The following CROCC variants were observed in gnomAD, a reference collection of about 807,000 sequenced individuals.
The protein encoded by CROCC is rootletin.
CROCC carries 180 observed loss-of-function variants against 245.2 expected under a neutral mutation model. The observed-to-expected ratio is 0.73, with a 90% CI of 0.65 to 0.83. The LOEUF is 0.83. Ranked by LOEUF, CROCC falls within the 40% of genes least tolerant of loss-of-function variation. CROCC has a pLI of 0.00. For synonymous variants in CROCC, 1,205 were observed against 1,241.6 expected, an observed-to-expected ratio of 0.97 and a Z score of 0.62; for missense variants, 2,688 against 2,779.4, an observed-to-expected ratio of 0.97 and a Z score of 0.74.
At chr1:16,935,760 G>C (rs2075774193) in intron 8 of CROCC, among the ~76,000 whole-genome samples, 2 of 152,266 alleles carry the variant, frequency 1.3e-5, no homozygotes, top group African/African-American at 4.8e-5. Context: ...GTGTTCCACA[G>C]AATGGATGTA....
In CROCC at chr1:16,956,089, C is replaced by T; in HGVS notation, c.3797C>T (p.Thr1266Ile). Residue 1266 changes from threonine to isoleucine, a missense_variant, in exon 25 of 37, where the codon ACT becomes ATT. Coordinates refer to ENST00000375541, the MANE Select transcript of CROCC (RefSeq NM_014675.5). ...GGCAAGGAGGCCGGGGAGCTGCGAA[C>T]TGGGCTGCAGGAGGTGGAGCGCTCA... ...AVGKEAGELR[T>I]GLQEVERSRL... 6.4e-7 allele frequency: 1 copy of T among 1,551,018 alleles called. No individual in the cohort carries two copies. The highest frequency in any genetic ancestry group is 8.7e-7 in the Non-Finnish European group (1 of 1,146,966).
intron 1 of CROCC, among the ~76,000 whole-genome samples, chr1:16,915,996 C>G (rs1303090023): frequency 2.0e-5 from 3 of 152,210 alleles, no homozygotes; most frequent in African/African-American, 7.2e-5. Context: ...CTGGCCAATA[C>G]AGTGAAACCT....
chr1:16,955,524 G>C lies in CROCC; in HGVS notation c.3678G>C (p.Val1226=). ...RRSNEELRSA[V]KKAESERISL... is the part of the protein sequence containing the mutation. ...CCAATGAGGAGCTTCGGTCTGCTGT[G>C]AAGAAGGCAGAGAGCGAGCGCATCA... Residue 1226 remains valine (V), a synonymous_variant, in exon 24 of 37, where the codon GTG becomes GTC. Transcript: ENST00000375541. 1 of 1,561,956 alleles carries C rather than the reference G, an allele frequency of 6.4e-7. No individual in the cohort carries two copies.
chr1:16,949,961 G>T (rs61769578), intron 19 of CROCC, among the ~76,000 whole-genome samples: 5,796 of 151,782 alleles, frequency 0.038, 173 homozygotes, highest in South Asian at 0.086. Flanking sequence ...TAGAGACGGG[G>T]TTTCGCCATG....
Position 16,966,387 on chromosome 1 carries a change from C to G in CROCC, c.4697-21C>G, listed in dbSNP as rs776846848. ...CGGGGCTGTGCTTGGCCATGCCTGA[C>G]GGGGTGGGTGGTGGCTACAGCCCGG... On this transcript the variant is annotated intron_variant, in intron 29 of 36. Coordinates refer to ENST00000375541, the MANE Select transcript of CROCC (RefSeq NM_014675.5). This position sits in a 1 kb window ranked among gnomAD's most constrained non-coding sequence, Gnocchi z 4.8. The G allele has an allele frequency of 6.6e-7, 1 of 1,504,790 alleles. No homozygotes were observed. Among genetic ancestry groups the G allele is most frequent in the Non-Finnish European group, 8.9e-7 (1 of 1,127,730 alleles). The allele number at this position is 1,504,790 out of a possible 1,614,324, so 93.2% of individuals were successfully genotyped here. A position where few individuals can be genotyped will look rare whatever the true frequency, so the allele number is the denominator to read the frequency against.
At chr1:16,935,555 G>A (rs1231029285) in intron 8 of CROCC, among the ~76,000 whole-genome samples, 68 of 152,376 alleles carry the variant, frequency 4.5e-4, no homozygotes, top group Middle Eastern at 3.4e-3. Context: ...CGAGTAGCTG[G>A]GACTACAGGC....
intron 10 of CROCC, 39 bp from the exon 11 acceptor site, chr1:16,938,360 AG>A: frequency 6.6e-7 from 1 of 1,525,240 alleles, no homozygotes; most frequent in South Asian, 1.2e-5. Context: ...CAGATAAGAC[AG>A]AACCCCAACC....
chr1:16,939,147 G>C lies in CROCC; in HGVS notation c.1608+5G>C. The C allele has an allele frequency of 6.7e-7, 1 of 1,483,380 alleles. No individual in the cohort carries two copies. The highest frequency in any genetic ancestry group is 8.9e-7 in the Non-Finnish European group (1 of 1,127,476). The allele number at this position is 1,483,380 out of a possible 1,614,324, so 91.9% of individuals were successfully genotyped here. A position where few individuals can be genotyped will look rare whatever the true frequency, so the allele number is the denominator to read the frequency against. ...AAGCGCCAGCTGCAGGTCCAGGTAG[G>C]AAGGGGCTTGAGCGTTCTGGGCGCA... On this transcript the variant is annotated splice_donor_5th_base_variant and intron_variant, in intron 12 of 36. Coordinates refer to ENST00000375541, the MANE Select transcript of CROCC (RefSeq NM_014675.5).
intron 15 of CROCC, 99 bp from the exon 16 acceptor site, chr1:16,946,160 C>T (rs1342058164): frequency 3.7e-6 from 5 of 1,350,992 alleles, no homozygotes; most frequent in Middle Eastern, 1.8e-4. Context: ...CTCCCCTACC[C>T]TGTCTCTGAG....
chr1:16,959,247 C>T (rs1337662059), intron 26 of CROCC, among the ~76,000 whole-genome samples: 1 of 152,186 alleles, frequency 6.6e-6, no homozygotes, highest in East Asian at 1.9e-4. Context: ...TTGTCTCAAA[C>T]GCCTGACCTC....
chr1:16,970,220 A>T (rs1233096670), intron 33 of CROCC, 33 bp from the exon 34 acceptor site: 11 of 1,518,608 alleles, frequency 7.2e-6, no homozygotes, highest in Non-Finnish European at 9.8e-6. Context: ...TCAGGCCCAG[A>T]GGGATTCGGG....
intron 21 of CROCC, chr1:16,953,977 A>G: frequency 2.6e-6 from 1 of 388,440 alleles, no homozygotes; most frequent in Non-Finnish European, 4.5e-6. Context: ...ATGGGTAGAA[A>G]GAAAGACTCT....
In CROCC at chr1:16,939,060, G is replaced by T. The variant is rs201402833; in HGVS notation, c.1526G>T (p.Arg509Leu). Reference protein sequence around the residue: ...SSPGRGRSPRRGPSPACSDSS... With the variant: ...SSPGRGRSPRLGPSPACSDSS... ...CCCGGCCGAGGCCGTTCACCCCGCC[G>T]AGGCCCCTCCCCGGCCTGCTCAGAC... is the stretch of plus-strand genomic sequence containing the variant. The change falls in exon 12 of 37, where the codon CGA (arginine) becomes CTA (leucine). Residue 509 changes from arginine (R) to leucine (L), a missense_variant. Transcript: ENST00000375541. 2 of 1,588,928 alleles carry T rather than the reference G, an allele frequency of 1.3e-6. No homozygotes were observed. Among genetic ancestry groups the T allele is most frequent in the Admixed American group, 1.8e-5 (1 of 56,200 alleles).
At chr1:16,963,401 G>A (rs935365561) in intron 27 of CROCC, among the ~76,000 whole-genome samples, 1 of 152,032 alleles carries the variant, frequency 6.6e-6, no homozygotes, top group African/African-American at 2.4e-5. Context: ...CAAGCAGGGG[G>A]GTGAGATTTG....
intron 13 of CROCC, among the ~76,000 whole-genome samples, chr1:16,943,511 C>T (rs1192572447): frequency 2.0e-5 from 3 of 151,312 alleles, no homozygotes; most frequent in South Asian, 4.2e-4. Flanking sequence ...GCACTCCAGC[C>T]TGGGGGACAG....
At chr1:16,939,768 C>CAGGCCAGGTCCAGGCCCT in intron 12 of CROCC, 126 bp from the exon 13 acceptor site, 1 of 1,183,374 alleles carries the variant, frequency 8.5e-7, no homozygotes, top group Non-Finnish European at 1.2e-6. Flanking sequence ...TATCCTGCCC[C>CAGGCCAGGTCCAGGCCCT]AGGCCAGGTC....
chr1:16,959,162 A>G (rs534865636), intron 26 of CROCC, among the ~76,000 whole-genome samples: 1 of 151,912 alleles, frequency 6.6e-6, no homozygotes, highest in African/African-American at 2.4e-5. Context: ...ATCTGGGATT[A>G]CAGGTGCTTG....
rs746166553 is a variant in CROCC, at chr1:16,922,831, C to T, written c.196+33C>T. The T allele has an allele frequency of 3.1e-6, 5 of 1,600,834 alleles. No homozygotes were observed. The East Asian group carries it at 6.7e-5, about 21-fold the overall frequency. On this transcript the variant is annotated intron_variant, in intron 2 of 36. Transcript: ENST00000375541. Reference sequence around the variant, plus strand: ...CCCCATCCGCTCCCCTCCACAAACACCACCCACATTTTACCTCTTCTCATG... The same window carrying T: ...CCCCATCCGCTCCCCTCCACAAACATCACCCACATTTTACCTCTTCTCATG...
chr1:16,958,718 G>A lies in CROCC; in HGVS notation c.4000G>A (p.Gly1334Ser), dbSNP rs764683711. 3 of 1,562,064 alleles carry A rather than the reference G, an allele frequency of 1.9e-6. No homozygotes were observed. The highest frequency in any genetic ancestry group is 1.2e-5 in the South Asian group (1 of 84,894). ...GGGCCTCCGGCAGAGGCTGCTGAAG[G>A]GCGAGGCCAGCCTGGAGGTGATGCG... Reference protein sequence around the residue: ...TLGLRQRLLKGEASLEVMRQE... With the variant: ...TLGLRQRLLKSEASLEVMRQE... The change falls in exon 26 of 37, where the codon GGC becomes AGC. Residue 1334 changes from glycine (G) to serine (S), a missense_variant. Gly to Ser is a moderately conservative substitution (Grantham distance 56). Coordinates refer to ENST00000375541, the MANE Select transcript of CROCC (RefSeq NM_014675.5).
Sources: allele counts gnomAD v4.1 joint callset (sites outside exome capture counted in the v4.1 genomes callset), GRCh38; gene constraint gnomAD v4.1.1; non-coding constraint Gnocchi (gnomAD v3.1); transcripts MANE v1.5; gene names NCBI Gene and HGNC (gene_info 2026-07-23, HGNC 2026-07-21).